Variants in TFPI observed in about 807,000 individuals in gnomAD.
TFPI encodes anti-convertin.
In TFPI, 15 loss-of-function variants were observed where a neutral mutation model predicts 34.6. The ratio of observed to expected loss-of-function variants is 0.43; its 90% CI spans 0.29 to 0.67. The LOEUF (loss-of-function observed/expected upper bound fraction) is 0.67, where lower values mean the gene tolerates loss of function less well. Ranked by LOEUF, TFPI falls within the 30% of genes least tolerant of loss-of-function variation. The probability of loss-of-function intolerance (pLI) is 0.15; values close to 1 mark genes in which losing one functional copy is unlikely to be tolerated. For missense variants in TFPI, 301 were observed against 364.0 expected, an observed-to-expected ratio of 0.83 and a Z score of 1.41; for synonymous variants, 105 against 120.1, an observed-to-expected ratio of 0.87 and a Z score of 0.82.
chr2:187,496,799 T>C, intron 3 of TFPI, 82 bp downstream of exon 3: 1 of 1,265,356 alleles, frequency 7.9e-7, no homozygotes, highest in Non-Finnish European at 1.1e-6. Flanking sequence ...ATGAAATTAC[T>C]TTTCTCCCTA....
chr2:187,495,254 G>A (rs1385139020), intron 3 of TFPI, among the ~76,000 whole-genome samples: 1 of 152,210 alleles, frequency 6.6e-6, no homozygotes, highest in East Asian at 1.9e-4. Context: ...AAAGAGGCCA[G>A]TTGATGAAAA....
intron 3 of TFPI, among the ~76,000 whole-genome samples, chr2:187,494,611 T>C (rs1685345875): frequency 6.6e-6 from 1 of 152,226 alleles, no homozygotes; most frequent in Admixed American, 6.5e-5. Flanking sequence ...GCCGATTAAA[T>C]TCTCTCCTTA....
intron 1 of TFPI, among the ~76,000 whole-genome samples, chr2:187,533,578 C>T (rs550675765): frequency 5.9e-5 from 9 of 152,202 alleles, no homozygotes; most frequent in South Asian, 2.1e-4. Flanking sequence ...ACATCAAAGA[C>T]GAAAGGTACA....
At chr2:187,525,085 G>C (rs889784536) in intron 1 of TFPI, among the ~76,000 whole-genome samples, 2 of 151,614 alleles carry the variant, frequency 1.3e-5, no homozygotes, top group African/African-American at 2.4e-5. Flanking sequence ...AGAAAGGAAA[G>C]GAAAGAAAAA....
chr2:187,490,167 C>T (rs958467328), intron 3 of TFPI, among the ~76,000 whole-genome samples: 2 of 151,578 alleles, frequency 1.3e-5, no homozygotes. Context: ...GCTTCTAAAT[C>T]CATTCAAAAG....
At chr2:187,503,886 T>C (rs1686019537) in intron 1 of TFPI, 116 bp from the exon 2 acceptor site, 2 of 1,097,382 alleles carry the variant, frequency 1.8e-6, no homozygotes, top group East Asian at 5.0e-5. Flanking sequence ...ATTTTATGTG[T>C]ATACACATAC....
intron 3 of TFPI, among the ~76,000 whole-genome samples, chr2:187,496,413 G>A (rs1006428588): frequency 1.3e-5 from 2 of 152,062 alleles, no homozygotes; most frequent in African/African-American, 4.8e-5. Flanking sequence ...TGCCAACTGA[G>A]ATTACAAGTC....
chr2:187,545,712 G>A (rs1688822028), intron 1 of TFPI, among the ~76,000 whole-genome samples: 1 of 151,586 alleles, frequency 6.6e-6, no homozygotes. Flanking sequence ...TTTAATATTT[G>A]AGCAAAAGTT....
At chr2:187,505,531 C>G (rs140352819) in intron 1 of TFPI, among the ~76,000 whole-genome samples, 3 of 152,260 alleles carry the variant, frequency 2.0e-5, no homozygotes, top group Non-Finnish European at 2.9e-5. Flanking sequence ...ACTCCTTAGA[C>G]AGCTTTATTT....
intron 3 of TFPI, among the ~76,000 whole-genome samples, chr2:187,492,625 G>A (rs1037138930): frequency 6.6e-6 from 1 of 152,124 alleles, no homozygotes; most frequent in African/African-American, 2.4e-5. Context: ...AGCGTGACCT[G>A]GATATGAGAC....
intron 1 of TFPI, chr2:187,544,641 G>GAA (rs10699745): frequency 0.54 from 76,319 of 140,688 alleles, 20,904 homozygotes; most frequent in Middle Eastern, 0.63. Context: ...ACTTCATCTG[G>GAA]AAAAAAAAAA....
chr2:187,487,234 C>A (rs1693335250), intron 4 of TFPI, among the ~76,000 whole-genome samples: 1 of 151,050 alleles, frequency 6.6e-6, no homozygotes, highest in South Asian at 2.1e-4. Flanking sequence ...ATAAATATGC[C>A]ATTTTGATAT....
chr2:187,499,364 A>G (rs972869915), intron 2 of TFPI: 1 of 152,120 alleles, frequency 6.6e-6, no homozygotes, highest in Non-Finnish European at 1.5e-5. Context: ...AAATGTATGA[A>G]CCAAAATGAC....
chr2:187,476,754 A>C (rs1028611253), intron 6 of TFPI, among the ~76,000 whole-genome samples: 2 of 152,160 alleles, frequency 1.3e-5, no homozygotes, highest in African/African-American at 4.8e-5. Flanking sequence ...TGTCTAAGCT[A>C]TTTCTACCAC....
At chr2:187,484,288 C>T in intron 5 of TFPI, 72 bp from the exon 6 acceptor site, 4 of 1,332,164 alleles carry the variant, frequency 3.0e-6, no homozygotes, top group Non-Finnish European at 4.2e-6. Flanking sequence ...ATGAAGCGTA[C>T]AACAGTTAAA....
intron 2 of TFPI, among the ~76,000 whole-genome samples, chr2:187,502,766 T>C (rs1685934755): frequency 6.6e-6 from 1 of 152,104 alleles, no homozygotes; most frequent in South Asian, 2.1e-4. Flanking sequence ...CTTGAGCACC[T>C]CATCTCAGCC....
chr2:187,550,446 A>G (rs1332192503), intron 1 of TFPI, among the ~76,000 whole-genome samples: 1 of 152,084 alleles, frequency 6.6e-6, no homozygotes, highest in African/African-American at 2.4e-5. Flanking sequence ...ACAAAATAGG[A>G]AACAGTTTCC....
In TFPI at chr2:187,539,899, CTT is replaced by C. The variant is rs527567767; in HGVS notation, c.-3+14299_-3+14300del. ...CAACCACCACCCATTACGTCATCTT[CTT>C]TTTTTTTTTTTTTTTTGAGACGGAG... On this transcript the variant is annotated intron_variant, in intron 1 of 7. Coordinates refer to ENST00000233156, the MANE Select transcript of TFPI (RefSeq NM_006287.6). Among the ~76,000 whole-genome samples, 406 of 137,856 alleles carry C rather than the reference CTT, an allele frequency of 2.9e-3. 3 individuals carry two copies. The highest frequency in any genetic ancestry group is 0.01 in the African/African-American group (383 of 37,850). The allele number at this position is 137,856 out of a possible 152,430, so 90.4% of individuals were successfully genotyped here. A position where few individuals can be genotyped will look rare whatever the true frequency, so the allele number is the denominator to read the frequency against.
At chr2:187,488,247 C>G in intron 4 of TFPI, 90 bp downstream of exon 4, 1 of 1,021,696 alleles carries the variant, frequency 9.8e-7, no homozygotes, top group East Asian at 2.7e-5. Flanking sequence ...AATCAGGGAC[C>G]AGAAAAAACA....
Sources: gnomAD v4.1 joint callset for allele counts (sites outside exome capture counted in the v4.1 genomes callset) on GRCh38, gnomAD v4.1.1 for gene constraint, MANE v1.5 for transcripts, NCBI Gene and HGNC (gene_info 2026-07-23, HGNC 2026-07-21) for gene names.